Variants in DPF3 observed in about 807,000 individuals in gnomAD.
DPF3 encodes double PHD fingers 3.
Under a neutral mutation model 56.8 loss-of-function variants are expected in DPF3, and 18 were observed. The observed-to-expected ratio is 0.32, with a 90% CI of 0.22 to 0.47. The LOEUF (loss-of-function observed/expected upper bound fraction) is 0.47, where lower values mean the gene tolerates loss of function less well. Ranked by LOEUF, DPF3 falls within the 20% of genes least tolerant of loss-of-function variation. The probability of loss-of-function intolerance (pLI) is 1.00; values close to 1 mark genes in which losing one functional copy is unlikely to be tolerated. For missense variants in DPF3, 403 were observed against 488.8 expected (o/e 0.82, Z 1.65); for synonymous variants, 188 against 180.2 (o/e 1.04, Z -0.35).
At chr14:72,800,446 A>G (rs1459102515) in intron 1 of DPF3, among the ~76,000 whole-genome samples, 2 of 152,218 alleles carry the variant, frequency 1.3e-5, no homozygotes, top group Non-Finnish European at 2.9e-5. Flanking sequence ...GGATGCATGG[A>G]TGCATGGATG....
chr14:72,666,936 G>A, intron 8 of DPF3, among the ~76,000 whole-genome samples: 1 of 152,094 alleles, frequency 6.6e-6, no homozygotes, highest in East Asian at 1.9e-4. Flanking sequence ...AGGTATACTG[G>A]GATAAAATTA....
intron 8 of DPF3, chr14:72,671,384 C>A: frequency 6.2e-7 from 1 of 1,604,420 alleles, no homozygotes. Flanking sequence ...AAGCAACAGA[C>A]AGCATTATTA....
rs1002465350 is a variant in DPF3 at position 72,693,899 on chromosome 14, C to T, written c.605-686G>A. Among the ~76,000 whole-genome samples the T allele has an allele frequency of 1.1e-4, 17 of 152,250 alleles. 1 individual carries two copies. The highest frequency in any genetic ancestry group is 1.1e-3 in the Admixed American group (17 of 15,292). On this transcript the variant is annotated intron_variant, in intron 6 of 10. Transcript: ENST00000556509. ...TTTTGTGCCAGAAACACATGCTGCACTTCTACCATGAACGCCATGGAGTTA... is the reference window on the plus strand; with the variant it reads ...TTTTGTGCCAGAAACACATGCTGCATTTCTACCATGAACGCCATGGAGTTA...
intron 2 of DPF3, 110 bp from the exon 3 acceptor site, chr14:72,753,481 G>A (rs1407121572): frequency 2.4e-6 from 2 of 838,046 alleles, no homozygotes; most frequent in Non-Finnish European, 1.8e-6. Context: ...AGCCCAGAGA[G>A]AAGTGACTTG....
intron 1 of DPF3, among the ~76,000 whole-genome samples, chr14:72,776,429 G>A (rs1405661306): frequency 6.6e-6 from 1 of 152,134 alleles, no homozygotes; most frequent in Non-Finnish European, 1.5e-5. Flanking sequence ...TCTGAATTGA[G>A]AAGCCAGCCC....
At chr14:72,661,392 C>A in intron 8 of DPF3, 1 of 985,374 alleles carries the variant, frequency 1.0e-6, no homozygotes, top group Non-Finnish European at 1.2e-6. Flanking sequence ...ATTTCAGTAA[C>A]ACTGTGACTC....
intron 1 of DPF3, among the ~76,000 whole-genome samples, chr14:72,886,855 T>C (rs1257797465): frequency 6.6e-6 from 1 of 152,032 alleles, no homozygotes; most frequent in Non-Finnish European, 1.5e-5. Context: ...AGTCTAGTCT[T>C]GGCTAATACC....
chr14:72,852,358 A>T (rs8004055), intron 1 of DPF3, among the ~76,000 whole-genome samples: 2,209 of 152,210 alleles, frequency 0.015, 49 homozygotes, highest in African/African-American at 0.051. Flanking sequence ...TAGTAAAACA[A>T]CCCGTAGGAG....
intron 1 of DPF3, among the ~76,000 whole-genome samples, chr14:72,847,871 C>T (rs575971153): frequency 6.6e-6 from 1 of 152,314 alleles, no homozygotes; most frequent in East Asian, 1.9e-4. Flanking sequence ...AGCCTATGGC[C>T]ATCTGCTCCA....
At position 72,619,186 on chromosome 14, in the gene DPF3, T is replaced by C; in HGVS notation, c.*111A>G. 2 of 1,106,804 alleles carry C rather than the reference T, an allele frequency of 1.8e-6. No homozygotes were observed. Among genetic ancestry groups the C allele is most frequent in the Non-Finnish European group, 2.6e-6 (2 of 784,012 alleles). 68.6% of individuals were successfully genotyped at this position (1,106,804 alleles called of 1,614,324 possible). ...GTCCCTGCCCCTCTGGGACTATTTC[T>C]TTTCCTTGCAGTTGGTCTGGCTGGA... On this transcript the variant is annotated 3_prime_UTR_variant, in exon 11 of 11. Coordinates refer to ENST00000556509, the MANE Select transcript of DPF3 (RefSeq NM_001280542.3).
At chr14:72,626,631 A>G (rs1023480876) in intron 9 of DPF3, among the ~76,000 whole-genome samples, 1 of 152,124 alleles carries the variant, frequency 6.6e-6, no homozygotes, top group Non-Finnish European at 1.5e-5. Flanking sequence ...GTAATGAACA[A>G]TGCTACCACA....
In DPF3 at chr14:72,816,196, C is replaced by A. The variant is rs565777568; in HGVS notation, c.33-44303G>T. Among the ~76,000 whole-genome samples, 3 of 152,306 alleles carry A rather than the reference C, an allele frequency of 2.0e-5. No individual in the cohort carries two copies. In the South Asian group the frequency reaches 6.2e-4, roughly 32 times the overall value. On this transcript the variant is annotated intron_variant, in intron 1 of 10. Coordinates refer to ENST00000556509, the MANE Select transcript of DPF3 (RefSeq NM_001280542.3). ...CCTGCACTCCCACCCTTGTACACTG[C>A]ACCAGCAGCTAAGCCTGTGGAGCCA...
rs1365295102 is a variant in DPF3, at chr14:72,857,461, C to T, written c.32+36596G>A. 3.3e-5 allele frequency among the ~76,000 whole-genome samples: 5 copies of T among 152,136 alleles called. No homozygotes were observed. The Middle Eastern group carries it at 0.01, about 310-fold the overall frequency. On this transcript the variant is annotated intron_variant, in intron 1 of 10. Transcript: ENST00000556509. The stretch of plus-strand genomic sequence containing the variant: ...CCTTTGAGTTTCAATTGATAATCCC[C>T]GAAGATTAAGAAAATAGTGATACTA...
At chr14:72,662,848 G>T in intron 8 of DPF3, 1 of 984,556 alleles carries the variant, frequency 1.0e-6, no homozygotes, top group East Asian at 1.1e-4. Context: ...AGAGGGAAAG[G>T]CAATGAAAGA....
intron 3 of DPF3, among the ~76,000 whole-genome samples, chr14:72,745,401 CTCA>C (rs1567219342): frequency 6.6e-6 from 1 of 151,570 alleles, no homozygotes; most frequent in Non-Finnish European, 1.5e-5. Flanking sequence ...TTAACTAGTC[CTCA>C]TCAATGGATC....
At chr14:72,729,855 A>G (rs1021792831) in intron 4 of DPF3, among the ~76,000 whole-genome samples, 3 of 152,306 alleles carry the variant, frequency 2.0e-5, no homozygotes, top group African/African-American at 7.2e-5. Context: ...GACAGATGCC[A>G]TTACACATTT....
In DPF3 at chr14:72,619,892, A is replaced by T; in HGVS notation, c.1066+11T>A. The T allele has an allele frequency of 6.5e-7, 1 of 1,528,020 alleles. No homozygotes were observed. The highest frequency in any genetic ancestry group is 8.7e-7 in the Non-Finnish European group (1 of 1,143,156). 94.7% of individuals were successfully genotyped at this position (1,528,020 alleles called of 1,614,324 possible). A position where few individuals can be genotyped will look rare whatever the true frequency, so the allele number is the denominator to read the frequency against. On this transcript the variant is annotated intron_variant, in intron 10 of 10. Coordinates refer to ENST00000556509, the MANE Select transcript of DPF3 (RefSeq NM_001280542.3). ...TGTTGCTGTTCTTATTGTTGACTTC[A>T]TCATCATTACCTTCTGGGGGCTCAG...
chr14:72,676,687 G>A (rs1886923461), intron 7 of DPF3, among the ~76,000 whole-genome samples: 1 of 152,180 alleles, frequency 6.6e-6, no homozygotes, highest in Admixed American at 6.5e-5. Context: ...CAGTTCCCCT[G>A]CACATGCTCT....
intron 1 of DPF3, among the ~76,000 whole-genome samples, chr14:72,849,886 C>A (rs1361109734): frequency 6.6e-6 from 1 of 152,014 alleles, no homozygotes; most frequent in East Asian, 1.9e-4. Context: ...GGGAGGCCAA[C>A]CTGGGTGGAT....
Sources: allele counts gnomAD v4.1 joint callset (sites outside exome capture counted in the v4.1 genomes callset), GRCh38; gene constraint gnomAD v4.1.1; transcripts MANE v1.5; gene names NCBI Gene and HGNC (gene_info 2026-07-23, HGNC 2026-07-21).